PSME4: variants seen among roughly 807,000 people sequenced by gnomAD.
PSME4 encodes proteasome activator subunit 4, also known as proteasome activator complex subunit 4.
PSME4 carries 89 observed loss-of-function variants against 253.9 expected under a neutral mutation model. That is an observed-to-expected ratio of 0.35 (90% CI 0.30 to 0.42). The LOEUF (loss-of-function observed/expected upper bound fraction) is 0.42. PSME4 is among the 10% of genes least tolerant of loss of function. PSME4 has a pLI of 1.00. For missense variants in PSME4, 2,014 were observed against 2,195.2 expected (o/e 0.92, Z 1.65); for synonymous variants, 851 against 759.2 (o/e 1.12, Z -1.99).
chr2:53,925,790 T>C (rs2302879), intron 13 of PSME4, 101 bp from the exon 14 acceptor site: 409,411 of 1,300,516 alleles, frequency 0.31, 66,868 homozygotes, highest in South Asian at 0.45. Context: ...ATTCAAGTGA[T>C]AGCTACTTAA....
rs1304703710 is a variant in PSME4, at chr2:53,940,982, TATA to T, written c.501-985_501-983del. 2.8e-4 allele frequency among the ~76,000 whole-genome samples: 22 copies of T among 79,822 alleles called. 1 individual carries two copies. Among genetic ancestry groups the T allele is most frequent in the Non-Finnish European group, 4.4e-4 (16 of 36,548 alleles). 52.4% of individuals were successfully genotyped at this position (79,822 alleles called of 152,430 possible). A position where few individuals can be genotyped will look rare whatever the true frequency, so the allele number is the denominator to read the frequency against. The stretch of plus-strand genomic sequence containing the variant: ...ATATATATATATATATATATATATA[TATA>T]TATATATATATATATGAAAGGAGTA... On this transcript the variant is annotated intron_variant, in intron 3 of 46. Transcript: ENST00000404125.
intron 41 of PSME4, among the ~76,000 whole-genome samples, chr2:53,877,385 C>A (rs1360975022): frequency 6.6e-6 from 1 of 151,318 alleles, no homozygotes; most frequent in Non-Finnish European, 1.5e-5. Flanking sequence ...TGCACTCTAG[C>A]CAGGGTGACA....
chr2:53,867,874 T>C (rs1279732450), intron 44 of PSME4, among the ~76,000 whole-genome samples: 1 of 152,092 alleles, frequency 6.6e-6, no homozygotes, highest in African/African-American at 2.4e-5. Flanking sequence ...AGAATGTCTA[T>C]TTCTTAAAAC....
chr2:53,934,834 C>A, intron 7 of PSME4, 107 bp from the exon 8 acceptor site: 2 of 898,472 alleles, frequency 2.2e-6, no homozygotes, highest in South Asian at 1.9e-5. Context: ...CATTTTATCA[C>A]AAGGGTTTTT....
intron 10 of PSME4, among the ~76,000 whole-genome samples, chr2:53,928,829 T>C (rs574195464): frequency 6.6e-6 from 1 of 152,270 alleles, no homozygotes; most frequent in East Asian, 1.9e-4. Flanking sequence ...CCTGCTACCT[T>C]ACCAACTCTT....
At position 53,885,717 on chromosome 2, in the gene PSME4, T is replaced by C. The variant is rs1252666532; in HGVS notation, c.4788A>G (p.Gln1596=). The C allele has an allele frequency of 6.2e-7, 1 of 1,612,926 alleles. No homozygotes were observed. Among genetic ancestry groups the C allele is most frequent in the East Asian group, 2.2e-5 (1 of 44,836 alleles). The change falls in exon 41 of 47, where the codon CAA becomes CAG. Residue 1596 remains glutamine, a synonymous_variant. Coordinates refer to ENST00000404125, the MANE Select transcript of PSME4 (RefSeq NM_014614.3). ...GRSFSTAVTE[Q]LQLLPLFFKI... ...TGAAAAACAAAGGTAGAAGCTGAAG[T>C]TGTTCTGTAACTGCTGTAGAAAAGG... is the stretch of plus-strand genomic sequence containing the variant.
chr2:53,895,719 T>G lies in PSME4; in HGVS notation c.3706A>C (p.Thr1236Pro). Residue 1236 changes from threonine to proline, a missense_variant, in exon 33 of 47, where the codon ACC becomes CCC. Coordinates refer to ENST00000404125, the MANE Select transcript of PSME4 (RefSeq NM_014614.3). ...GGCCTATCACCAGCAATAATTTGGGTGGGTTTAGGGCATCCACCTAAGGAA... is the reference window on the plus strand; with the variant it reads ...GGCCTATCACCAGCAATAATTTGGGGGGGTTTAGGGCATCCACCTAAGGAA... Reference protein sequence around the residue: ...PCEISGCPKPTQIIAGDRPDN... With the variant: ...PCEISGCPKPPQIIAGDRPDN... 1.2e-6 allele frequency: 2 copies of G among 1,611,104 alleles called. No homozygotes were observed. Among genetic ancestry groups the G allele is most frequent in the Non-Finnish European group, 1.7e-6 (2 of 1,179,028 alleles).
intron 20 of PSME4, among the ~76,000 whole-genome samples, chr2:53,911,067 G>C (rs1177241584): frequency 6.6e-6 from 1 of 152,124 alleles, no homozygotes; most frequent in Non-Finnish European, 1.5e-5. Context: ...CCCTCAAAAA[G>C]TAGCTGAATT....
At position 53,866,776 on chromosome 2, in the gene PSME4, C is replaced by T; in HGVS notation, c.5368G>A (p.Ala1790Thr). 1 of 1,613,834 alleles carries T rather than the reference C, an allele frequency of 6.2e-7. No homozygotes were observed. The highest frequency in any genetic ancestry group is 8.5e-7 in the Non-Finnish European group (1 of 1,179,808). Residue 1790 changes from alanine to threonine, a missense_variant, in exon 45 of 47, where the codon GCA becomes ACA. Around this residue, in one of 4 missense-constraint regions of PSME4, gnomAD observed 403 missense variants for 556.1 expected, o/e 0.72. Transcript: ENST00000404125. ...WMPQLLMNLS[A>T]HLNDPQPIEM... Reference sequence around the variant, plus strand: ...ATAGGCTGAGGATCATTTAGATGTGCACTGAGATTCATGAGGAGCTGGGGC... The same window carrying T: ...ATAGGCTGAGGATCATTTAGATGTGTACTGAGATTCATGAGGAGCTGGGGC...
chr2:53,906,767 A>C (rs1435796632), intron 25 of PSME4, 39 bp downstream of exon 25: 2 of 1,600,376 alleles, frequency 1.2e-6, no homozygotes, highest in Admixed American at 3.6e-5. Flanking sequence ...TGGAAAATTG[A>C]CATTTTAAAA....
chr2:53,911,105 G>A (rs1449735895), intron 20 of PSME4, among the ~76,000 whole-genome samples: 1 of 152,062 alleles, frequency 6.6e-6, no homozygotes, highest in East Asian at 1.9e-4. Context: ...CTTAATATTT[G>A]ACAGTTATGA....
At chr2:53,955,852 G>A (rs944490318) in intron 1 of PSME4, among the ~76,000 whole-genome samples, 1 of 152,180 alleles carries the variant, frequency 6.6e-6, no homozygotes, top group Non-Finnish European at 1.5e-5. Flanking sequence ...GGCCTGGGAA[G>A]CGAAGGTTGC....
intron 41 of PSME4, among the ~76,000 whole-genome samples, chr2:53,882,460 C>A (rs1437140534): frequency 6.6e-6 from 1 of 152,168 alleles, no homozygotes; most frequent in African/African-American, 2.4e-5. Context: ...TCAATTTGGA[C>A]AATGAGGGAC....
At chr2:53,886,632 A>G (rs573744498) in intron 40 of PSME4, among the ~76,000 whole-genome samples, 1 of 152,366 alleles carries the variant, frequency 6.6e-6, no homozygotes, top group East Asian at 1.9e-4. Flanking sequence ...GCTGCAGAGA[A>G]GAGTCTGGCA....
rs375618591 is a variant in PSME4 at position 53,908,771 on chromosome 2, C to T, written c.2629+13G>A. 1.9e-6 allele frequency: 3 copies of T among 1,575,004 alleles called. No individual in the cohort carries two copies. In the African/African-American group the frequency reaches 4.1e-5, roughly 21 times the overall value. ...CCAAAGTACAAATAAGTTAAATGTACAGATACACTTACTAAGAAGTTTCCT... is the reference window on the plus strand; with the variant it reads ...CCAAAGTACAAATAAGTTAAATGTATAGATACACTTACTAAGAAGTTTCCT... On this transcript the variant is annotated intron_variant, in intron 22 of 46. Transcript: ENST00000404125.
chr2:53,869,415 G>A lies in PSME4; in HGVS notation c.5224C>T (p.Arg1742Ter), dbSNP rs775389448. The stretch of plus-strand genomic sequence containing the variant: ...GTATCTCCTACAGAACCAGGGTCTC[G>A]CTTTCTTTTCTTAGGTAGTTTTGTT... ...CKTKLPKKRK[R>*]DPGSVGDTIP... The change falls in exon 44 of 47, where the codon CGA becomes TGA. Residue 1742 changes from arginine to a stop codon, truncating the protein, a stop_gained. Transcript: ENST00000404125. LOFTEE classifies it high-confidence loss of function. 4.3e-6 allele frequency: 7 copies of A among 1,610,162 alleles called. No homozygotes were observed. Among genetic ancestry groups the A allele is most frequent in the African/African-American group, 4.0e-5 (3 of 74,866 alleles).
intron 3 of PSME4, among the ~76,000 whole-genome samples, chr2:53,945,287 TA>T (rs748379649): frequency 6.6e-6 from 1 of 152,212 alleles, no homozygotes; most frequent in Non-Finnish European, 1.5e-5. Context: ...ACCATGTCCA[TA>T]AGATTCAAAA....
rs984964698 is a variant in PSME4, at chr2:53,921,186, C to G, written c.2047-82G>C. The G allele has an allele frequency of 3.0e-5, 47 of 1,576,272 alleles. 1 individual carries two copies. In the South Asian group the frequency reaches 4.8e-4, roughly 16 times the overall value. Reference sequence around the variant, plus strand: ...CATTAATGCAAAGTTCAATGTTTGGCCACTAACCTAGTGTTTCTCTAAATG... The same window carrying G: ...CATTAATGCAAAGTTCAATGTTTGGGCACTAACCTAGTGTTTCTCTAAATG... On this transcript the variant is annotated intron_variant, in intron 17 of 46. Coordinates refer to ENST00000404125, the MANE Select transcript of PSME4 (RefSeq NM_014614.3).
chr2:53,933,631 C>G (rs1668963358), intron 8 of PSME4, among the ~76,000 whole-genome samples: 1 of 152,192 alleles, frequency 6.6e-6, no homozygotes, highest in Non-Finnish European at 1.5e-5. Context: ...ATCCTTCCAT[C>G]TCGGCTTCCC....
Sources: gnomAD v4.1 joint callset for allele counts (sites outside exome capture counted in the v4.1 genomes callset) on GRCh38, gnomAD v4.1.1 for gene constraint, gnomAD v4.1.1 regional missense constraint, MANE v1.5 for transcripts, NCBI Gene and HGNC (gene_info 2026-07-23, HGNC 2026-07-21) for gene names.